HRH1: variants seen among roughly 807,000 people sequenced by gnomAD.
The protein encoded by HRH1 is histamine receptor H1, also known as histamine H1 receptor.
HRH1 carries 6 observed loss-of-function variants against 10.3 expected under a neutral mutation model. The observed-to-expected ratio is 0.58, with a 90% CI of 0.32 to 1.15. HRH1 has a LOEUF of 1.15. Ranked by LOEUF, HRH1 falls within the 50% of genes most tolerant of loss-of-function variation. The probability of loss-of-function intolerance (pLI) is 0.05; values close to 1 mark genes in which losing one functional copy is unlikely to be tolerated. For synonymous variants in HRH1, 242 were observed against 236.7 expected (o/e 1.02, Z -0.21); for missense variants, 514 against 615.3 (o/e 0.84, Z 1.74).
In HRH1 at chr3:11,177,789, C is replaced by T. The variant is rs550773260; in HGVS notation, c.-36+23235C>T. Among the ~76,000 whole-genome samples the T allele has an allele frequency of 9.8e-5, 15 of 152,328 alleles. 1 individual carries two copies. In the South Asian group the frequency reaches 2.9e-3, roughly 29 times the overall value. On this transcript the variant is annotated intron_variant, in intron 1 of 1. Coordinates refer to ENST00000431010, the MANE Select transcript of HRH1 (RefSeq NM_001098212.2). ...TTCACTTTGCTTGCTAAGTTGCTCA[C>T]GGAGCAGACCCTTTGTGCTGAGTGA...
chr3:11,260,113 C>G lies in HRH1; in HGVS notation c.1076C>G (p.Ser359Cys). 4.3e-6 allele frequency: 7 copies of G among 1,614,096 alleles called. No homozygotes were observed. Among genetic ancestry groups the G allele is most frequent in the Non-Finnish European group, 5.9e-6 (7 of 1,180,014 alleles). ...ATGTTAGGTGATAGCCAATCCTTCT[C>G]TCGAACGGACTCAGATACCACCACA... ...DQMLGDSQSF[S>C]RTDSDTTTET... Residue 359 changes from serine to cysteine, a missense_variant, in exon 2 of 2, where the codon TCT (serine) becomes TGT (cysteine). Transcript: ENST00000431010.
chr3:11,180,872 T>A (rs887493382), intron 1 of HRH1, among the ~76,000 whole-genome samples: 3 of 152,000 alleles, frequency 2.0e-5, no homozygotes, highest in Non-Finnish European at 4.4e-5. Flanking sequence ...ATATTTGGAT[T>A]GTTTCTACTT....
chr3:11,205,103 A>G (rs897595865), intron 1 of HRH1, among the ~76,000 whole-genome samples: 3 of 152,216 alleles, frequency 2.0e-5, no homozygotes, highest in African/African-American at 7.2e-5. Context: ...CCAGTGACAC[A>G]GGACTCTCAT....
At chr3:11,199,737 G>A (rs972860912) in intron 1 of HRH1, among the ~76,000 whole-genome samples, 1 of 152,176 alleles carries the variant, frequency 6.6e-6, no homozygotes, top group African/African-American at 2.4e-5. Flanking sequence ...GGATCTAAGA[G>A]CATGCTTGGC....
At chr3:11,244,112 T>A (rs115267104) in intron 1 of HRH1, among the ~76,000 whole-genome samples, 1 of 152,350 alleles carries the variant, frequency 6.6e-6, no homozygotes, top group Non-Finnish European at 1.5e-5. Context: ...ACCTCAAGTC[T>A]GTCCCGATGG....
chr3:11,170,028 C>T (rs1488660522), intron 1 of HRH1, among the ~76,000 whole-genome samples: 1 of 152,170 alleles, frequency 6.6e-6, no homozygotes, highest in African/African-American at 2.4e-5. Flanking sequence ...ATGCAGATTC[C>T]AGCTTTGCAG....
chr3:11,200,473 C>T lies in HRH1; in HGVS notation c.-36+45919C>T, dbSNP rs994407073. On this transcript the variant is annotated intron_variant, in intron 1 of 1. Coordinates refer to ENST00000431010, the MANE Select transcript of HRH1 (RefSeq NM_001098212.2). The stretch of plus-strand genomic sequence containing the variant: ...TGAAGAGCCTGGGACATCCTTTGTG[C>T]ACAGCTTGGATGCCACTTCTCCACA... Among the ~76,000 whole-genome samples the T allele has an allele frequency of 2.1e-4, 32 of 152,198 alleles. 1 individual carries two copies. Among genetic ancestry groups the T allele is most frequent in the Non-Finnish European group, 7.4e-5 (5 of 68,020 alleles).
intron 1 of HRH1, among the ~76,000 whole-genome samples, chr3:11,180,479 C>T (rs535122110): frequency 3.9e-5 from 6 of 152,222 alleles, no homozygotes; most frequent in Non-Finnish European, 8.8e-5. Context: ...ACTGCTGATC[C>T]GACAGGAGGC....
intron 1 of HRH1, among the ~76,000 whole-genome samples, chr3:11,155,421 G>C (rs1385725631): frequency 1.3e-5 from 2 of 152,194 alleles, no homozygotes; most frequent in African/African-American, 4.8e-5. Context: ...GCAGGAGCTG[G>C]AGTACAGCAG....
intron 1 of HRH1, among the ~76,000 whole-genome samples, chr3:11,168,328 G>T (rs112077555): frequency 0.011 from 1,666 of 152,280 alleles, 20 homozygotes; most frequent in African/African-American, 0.038. Flanking sequence ...TTGTTCAGAA[G>T]ACACTGAGAG....
chr3:11,138,180 A>ATTTTTTTT (rs746775307), intron 1 of HRH1, among the ~76,000 whole-genome samples: 40 of 135,558 alleles, frequency 3.0e-4, no homozygotes, highest in African/African-American at 5.8e-4. Context: ...ACGTTTGGCT[A>ATTTTTTTT]TTTTTTTTTT....
intron 1 of HRH1, among the ~76,000 whole-genome samples, chr3:11,170,717 C>G (rs1210906546): frequency 3.3e-5 from 5 of 152,244 alleles, no homozygotes; most frequent in Admixed American, 3.3e-4. Flanking sequence ...GAGCACTTAT[C>G]TCAGCCTGAA....
In HRH1 at chr3:11,214,281, G is replaced by C. The variant is rs1349036631; in HGVS notation, c.-35-44722G>C. 2.6e-5 allele frequency among the ~76,000 whole-genome samples: 4 copies of C among 152,188 alleles called. No individual in the cohort carries two copies. In the East Asian group the frequency reaches 7.7e-4, roughly 29 times the overall value. On this transcript the variant is annotated intron_variant, in intron 1 of 1. Transcript: ENST00000431010. ...AAGTCTGATTTACAGCCCCCTTCCT[G>C]GGGCAGAGTGCTTCACAGTTAGTAA...
At chr3:11,194,924 A>G (rs762413102) in intron 1 of HRH1, among the ~76,000 whole-genome samples, 64 of 152,216 alleles carry the variant, frequency 4.2e-4, no homozygotes, top group Non-Finnish European at 7.9e-4. Flanking sequence ...ATACGCCTTA[A>G]AATTGATGCA....
intron 1 of HRH1, among the ~76,000 whole-genome samples, chr3:11,257,329 G>A (rs186682162): frequency 1.9e-4 from 29 of 151,686 alleles, no homozygotes; most frequent in African/African-American, 6.8e-4. Context: ...TCCAGCGTGG[G>A]TGGATCACCT....
intron 1 of HRH1, among the ~76,000 whole-genome samples, chr3:11,256,675 T>G (rs1939791126): frequency 6.6e-6 from 1 of 151,882 alleles, no homozygotes; most frequent in Non-Finnish European, 1.5e-5. Flanking sequence ...GGTGGGCGCA[T>G]GTAATCCCAG....
intron 1 of HRH1, among the ~76,000 whole-genome samples, chr3:11,232,033 C>G (rs1401737135): frequency 6.6e-6 from 1 of 151,294 alleles, no homozygotes; most frequent in Non-Finnish European, 1.5e-5. Context: ...CGCTCTGTCA[C>G]CAGGCTGGAG....
chr3:11,260,558 G>A lies in HRH1; in HGVS notation c.*57G>A. ...CCTTATGATGTCCAACAAGGAAATA[G>A]AGGACGAAGGCCTGTGTGTTGCCAG... On this transcript the variant is annotated 3_prime_UTR_variant, in exon 2 of 2. Coordinates refer to ENST00000431010, the MANE Select transcript of HRH1 (RefSeq NM_001098212.2). 1 of 1,479,218 alleles carries A rather than the reference G, an allele frequency of 6.8e-7. No individual in the cohort carries two copies. Among genetic ancestry groups the A allele is most frequent in the Non-Finnish European group, 9.1e-7 (1 of 1,094,612 alleles). 91.6% of individuals were successfully genotyped at this position (1,479,218 alleles called of 1,614,324 possible).
chr3:11,172,288 C>T (rs1937165856), intron 1 of HRH1, among the ~76,000 whole-genome samples: 1 of 152,192 alleles, frequency 6.6e-6, no homozygotes, highest in Non-Finnish European at 1.5e-5. Context: ...TGCAGGGGCC[C>T]AAGTGGGAAA....
Sources: allele counts gnomAD v4.1 joint callset (sites outside exome capture counted in the v4.1 genomes callset), GRCh38; gene constraint gnomAD v4.1.1; transcripts MANE v1.5; gene names NCBI Gene and HGNC (gene_info 2026-07-23, HGNC 2026-07-21).